TEKT3: variants seen among roughly 807,000 people sequenced by gnomAD.
TEKT3 encodes the protein tektin-3.
In TEKT3, 49 loss-of-function variants were observed where a neutral mutation model predicts 49.8. The observed-to-expected ratio is 0.98, with a 90% CI of 0.78 to 1.25. The LOEUF (loss-of-function observed/expected upper bound fraction) is 1.25. TEKT3 is among the 50% of genes most tolerant of loss of function. The pLI is 0.00. For missense variants in TEKT3, 595 were observed against 629.5 expected (o/e 0.95, Z 0.59); for synonymous variants, 225 against 237.2 (o/e 0.95, Z 0.47).
chr17:15,340,530 A>T (rs537046189), intron 1 of TEKT3: 10 of 152,344 alleles, frequency 6.6e-5, no homozygotes, highest in African/African-American at 2.4e-4. Context: ...CTGGGCGACA[A>T]GAGCGAGACT....
At chr17:15,330,152 A>G (rs935341754) in intron 3 of TEKT3, among the ~76,000 whole-genome samples, 6 of 152,212 alleles carry the variant, frequency 3.9e-5, no homozygotes, top group Non-Finnish European at 7.3e-5. Context: ...TGATGATGTC[A>G]CTACATCCTA....
At chr17:15,319,029 A>G in intron 5 of TEKT3, 48 bp downstream of exon 5, 7 of 1,452,062 alleles carry the variant, frequency 4.8e-6, no homozygotes, top group South Asian at 1.3e-5. Context: ...GCATGAAAGT[A>G]TAGTTCAATG....
chr17:15,329,719 C>T (rs550810840), intron 3 of TEKT3, among the ~76,000 whole-genome samples: 16 of 152,212 alleles, frequency 1.1e-4, no homozygotes, highest in South Asian at 4.2e-4. Context: ...AGTGACAGTG[C>T]GCAGGGTGCC....
intron 4 of TEKT3, among the ~76,000 whole-genome samples, chr17:15,326,246 C>T (rs925532900): frequency 6.6e-6 from 1 of 152,190 alleles, no homozygotes; most frequent in Non-Finnish European, 1.5e-5. Flanking sequence ...ACTCAATTCT[C>T]ACCAAGGACC....
At chr17:15,311,249 C>T (rs946921662) in intron 7 of TEKT3, 2 of 152,156 alleles carry the variant, frequency 1.3e-5, no homozygotes, top group Admixed American at 6.5e-5. Context: ...AAAAGTAAAT[C>T]GCTGCAGCCT....
chr17:15,327,156 G>GAAA (rs201138913), intron 4 of TEKT3, among the ~76,000 whole-genome samples: 2 of 136,214 alleles, frequency 1.5e-5, no homozygotes, highest in Non-Finnish European at 3.2e-5. Context: ...ATGATTGATT[G>GAAA]AAAAAAAAAA....
At chr17:15,339,387 T>C (rs1912133153) in intron 2 of TEKT3, among the ~76,000 whole-genome samples, 1 of 152,148 alleles carries the variant, frequency 6.6e-6, no homozygotes, top group African/African-American at 2.4e-5. Context: ...TTTTAAGAAA[T>C]GAGACATGGG....
At chr17:15,310,212 C>CCTTT (rs1567573620) in intron 7 of TEKT3, among the ~76,000 whole-genome samples, 2 of 152,222 alleles carry the variant, frequency 1.3e-5, no homozygotes, top group Non-Finnish European at 2.9e-5. Context: ...TCTTTCTGCA[C>CCTTT]CTTTCTGATG....
At position 15,304,108 on chromosome 17, in the gene TEKT3, A is replaced by G. The variant is rs753951629; in HGVS notation, c.1301T>C (p.Leu434Pro). 5 of 1,614,116 alleles carry G rather than the reference A, an allele frequency of 3.1e-6. No individual in the cohort carries two copies. The highest frequency in any genetic ancestry group is 4.2e-6 in the Non-Finnish European group (5 of 1,180,028). The change falls in exon 9 of 9, where the codon CTG becomes CCG. Residue 434 changes from leucine to proline, a missense_variant. By Grantham distance (98) the Leu-to-Pro change is moderately conservative. Coordinates refer to ENST00000395930, the MANE Select transcript of TEKT3 (RefSeq NM_031898.3). The surrounding 1 kb of genome is among the most constrained non-coding windows in gnomAD (Gnocchi z 4.7). The stretch of plus-strand genomic sequence containing the variant: ...CTCTGCATCCCTCAGGCGCTGCTGC[A>G]GGGTCTGGATGGTGTCGTCAACCTC... ...VHEVDDTIQTLQQRLRDAEDT... is the reference protein window; with the variant it reads ...VHEVDDTIQTPQQRLRDAEDT...
chr17:15,332,558 G>C (rs556355639), intron 2 of TEKT3, among the ~76,000 whole-genome samples: 2 of 152,234 alleles, frequency 1.3e-5, no homozygotes, highest in East Asian at 3.9e-4. Flanking sequence ...ACTCCATCTG[G>C]ATGACAATGG....
At chr17:15,318,115 G>A (rs994941951) in intron 5 of TEKT3, among the ~76,000 whole-genome samples, 1 of 149,854 alleles carries the variant, frequency 6.7e-6, no homozygotes, top group African/African-American at 2.5e-5. Context: ...TCAACCTCCC[G>A]AGTAGCTGGG....
chr17:15,331,007 C>T lies in TEKT3; in HGVS notation c.579G>A (p.Gln193=). 6.2e-7 allele frequency: 1 copy of T among 1,605,536 alleles called. No individual in the cohort carries two copies. The highest frequency in any genetic ancestry group is 8.5e-7 in the Non-Finnish European group (1 of 1,175,876). ...RALMETEAPL[Q]VARECLFHRE... is the part of the protein sequence containing the mutation. ...AGTGTGTTCTATCATAAGGTCTTAC[C>T]TGAAGAGGGGCTTCAGTCTCCATCA... The change falls in exon 3 of 9, where the codon CAG becomes CAA. Residue 193 remains glutamine (Q), a splice_region_variant and synonymous_variant. Transcript: ENST00000395930.
chr17:15,318,563 C>A (rs1157551963), intron 5 of TEKT3, among the ~76,000 whole-genome samples: 2 of 152,098 alleles, frequency 1.3e-5, no homozygotes, highest in East Asian at 3.9e-4. Flanking sequence ...GAGACAGAGT[C>A]TGTCTCTGTT....
chr17:15,337,428 T>C (rs1004052236), intron 2 of TEKT3, among the ~76,000 whole-genome samples: 7 of 152,310 alleles, frequency 4.6e-5, no homozygotes, highest in Non-Finnish European at 1.0e-4. Context: ...CCAACTATGC[T>C]GATAATTAAA....
intron 4 of TEKT3, among the ~76,000 whole-genome samples, chr17:15,319,998 T>G (rs1911181786): frequency 6.6e-6 from 1 of 152,228 alleles, no homozygotes; most frequent in East Asian, 1.9e-4. Flanking sequence ...TGAATGACCT[T>G]GATCAATATT....
chr17:15,308,573 A>G (rs939729290), intron 8 of TEKT3, 91 bp downstream of exon 8: 5 of 1,508,906 alleles, frequency 3.3e-6, no homozygotes, highest in African/African-American at 2.7e-5. Context: ...CATGCTGCGT[A>G]TGGGCAGAAA....
chr17:15,307,578 T>C (rs1004100047), intron 8 of TEKT3, among the ~76,000 whole-genome samples: 6 of 152,224 alleles, frequency 3.9e-5, no homozygotes, highest in Admixed American at 3.9e-4. Context: ...ATCATCAATG[T>C]TGGCCTCACA....
intron 5 of TEKT3, among the ~76,000 whole-genome samples, chr17:15,318,630 T>G (rs1162715928): frequency 2.6e-5 from 4 of 152,026 alleles, no homozygotes; most frequent in Non-Finnish European, 4.4e-5. Context: ...CTCATACTCT[T>G]GGGCTTAAGC....
At chr17:15,333,786 G>A (rs9748192) in intron 2 of TEKT3, among the ~76,000 whole-genome samples, 3 of 132,230 alleles carry the variant, frequency 2.3e-5, no homozygotes, top group African/African-American at 7.7e-5. Flanking sequence ...TTTAGACAGA[G>A]TCTCGCTCTG....
Sources: gnomAD v4.1 joint callset for allele counts (sites outside exome capture counted in the v4.1 genomes callset) on GRCh38, gnomAD v4.1.1 for gene constraint, Gnocchi (gnomAD v3.1) non-coding constraint, MANE v1.5 for transcripts, NCBI Gene and HGNC (gene_info 2026-07-23, HGNC 2026-07-21) for gene names.